Variants in QTMAN observed in about 807,000 individuals in gnomAD.
QTMAN encodes queuosine-tRNA mannosyltransferase, also known as tRNA-queuosine alpha-mannosyltransferase.
At chr2:144,022,034 G>C in the QTMAN span, among the ~76,000 whole-genome samples, 1 of 152,062 alleles carries the variant, frequency 6.6e-6, no homozygotes, top group Non-Finnish European at 1.5e-5. Flanking sequence ...TGGGGCAGGG[G>C]GGTAGGGAGG....
chr2:144,280,888 C>T, the QTMAN span, among the ~76,000 whole-genome samples: 1 of 151,604 alleles, frequency 6.6e-6, no homozygotes, highest in Non-Finnish European at 1.5e-5. Flanking sequence ...GAAATTCATG[C>T]CTATCAGAAC....
At chr2:144,214,149 G>C in the QTMAN span, among the ~76,000 whole-genome samples, 1 of 152,082 alleles carries the variant, frequency 6.6e-6, no homozygotes, top group East Asian at 1.9e-4. Flanking sequence ...TCTATTAAGA[G>C]TGTGAAGTAA....
chr2:144,189,480 A>G, the QTMAN span, among the ~76,000 whole-genome samples: 4 of 152,198 alleles, frequency 2.6e-5, no homozygotes, highest in African/African-American at 4.8e-5. Context: ...CCACTAAAAG[A>G]ACACTGATTA....
chr2:144,292,182 T>A, the QTMAN span, among the ~76,000 whole-genome samples: 1 of 152,150 alleles, frequency 6.6e-6, no homozygotes, highest in Non-Finnish European at 1.5e-5. Context: ...GCCTAACAAG[T>A]AAGATCTGCA....
chr2:143,972,720 CCT>C, the QTMAN span, among the ~76,000 whole-genome samples: 8 of 152,170 alleles, frequency 5.3e-5, no homozygotes, highest in East Asian at 9.6e-4. Context: ...GTGTGAATCC[CCT>C]CTTTTTGTTT....
At chr2:144,129,047 TC>T in the QTMAN span, among the ~76,000 whole-genome samples, 1 of 151,778 alleles carries the variant, frequency 6.6e-6, no homozygotes, top group Non-Finnish European at 1.5e-5. Context: ...AGACAGAAGT[TC>T]CCTCTTCAAT....
the QTMAN span, among the ~76,000 whole-genome samples, chr2:143,953,993 T>TA: frequency 6.6e-6 from 1 of 152,000 alleles, no homozygotes; most frequent in Non-Finnish European, 1.5e-5. Context: ...GAAAAATACT[T>TA]AGTTCAAAGT....
chr2:144,019,868 T>G, the QTMAN span, among the ~76,000 whole-genome samples: 1 of 152,214 alleles, frequency 6.6e-6, no homozygotes, highest in African/African-American at 2.4e-5. Context: ...CTCTGGAAAC[T>G]AACTAAACTG....
chr2:143,980,463 C>T, the QTMAN span, among the ~76,000 whole-genome samples: 3 of 152,090 alleles, frequency 2.0e-5, no homozygotes, highest in Non-Finnish European at 4.4e-5. Context: ...CCTCTGGTTC[C>T]CCTATCACAT....
chr2:144,026,396 C>A, the QTMAN span, among the ~76,000 whole-genome samples: 1 of 152,140 alleles, frequency 6.6e-6, no homozygotes, highest in East Asian at 1.9e-4. Context: ...GACTGCACCA[C>A]TGCACTCCAG....
the QTMAN span, among the ~76,000 whole-genome samples, chr2:144,168,262 C>A: frequency 9.9e-5 from 15 of 152,150 alleles, no homozygotes; most frequent in Admixed American, 6.5e-5. Context: ...ATGTCTTGGC[C>A]CTGCCAGCAG....
the QTMAN span, among the ~76,000 whole-genome samples, chr2:144,012,228 C>A: frequency 1.3e-5 from 2 of 152,108 alleles, no homozygotes; most frequent in African/African-American, 4.8e-5. Context: ...CTATGTTGGG[C>A]AATGTTTAAA....
At chr2:144,106,594 A>G in the QTMAN span, among the ~76,000 whole-genome samples, 1 of 152,260 alleles carries the variant, frequency 6.6e-6, no homozygotes, top group Non-Finnish European at 1.5e-5. Flanking sequence ...AGGAGCACCC[A>G]GATTCATAAA....
chr2:144,257,431 T>C, the QTMAN span, among the ~76,000 whole-genome samples: 2 of 152,114 alleles, frequency 1.3e-5, no homozygotes, highest in Non-Finnish European at 2.9e-5. Flanking sequence ...GACATTCTTA[T>C]TGTCAATGAC....
At chr2:144,019,280 T>C in the QTMAN span, among the ~76,000 whole-genome samples, 2 of 152,120 alleles carry the variant, frequency 1.3e-5, no homozygotes, top group Admixed American at 1.3e-4. Context: ...TGGTAGGGAA[T>C]TTATTTAAAA....
At chr2:144,273,271 C>T in the QTMAN span, among the ~76,000 whole-genome samples, 1 of 151,884 alleles carries the variant, frequency 6.6e-6, no homozygotes, top group Non-Finnish European at 1.5e-5. Context: ...AAGACAAATG[C>T]ATTCTCTTTT....
At chr2:144,272,312 A>G in the QTMAN span, among the ~76,000 whole-genome samples, 2 of 152,226 alleles carry the variant, frequency 1.3e-5, no homozygotes, top group African/African-American at 4.8e-5. Flanking sequence ...ATACTGATTG[A>G]ATAAAATTTA....
At chr2:144,019,439 T>TGTGG in the QTMAN span, among the ~76,000 whole-genome samples, 2 of 103,758 alleles carry the variant, frequency 1.9e-5, no homozygotes, top group African/African-American at 1.1e-4. Context: ...CATGCAGGTG[T>TGTGG]GTGTGTGTGT....
At chr2:144,147,833 T>C in the QTMAN span, among the ~76,000 whole-genome samples, 1 of 151,842 alleles carries the variant, frequency 6.6e-6, no homozygotes, top group African/African-American at 2.4e-5. Flanking sequence ...TTTCCAAATG[T>C]GATACACTGA....
Sources: gnomAD v4.1 joint callset for allele counts (sites outside exome capture counted in the v4.1 genomes callset) on GRCh38, gnomAD v4.1.1 for gene constraint, MANE v1.5 for transcripts, NCBI Gene and HGNC (gene_info 2026-07-23, HGNC 2026-07-21) for gene names.